Variants in CUX2 observed in about 807,000 individuals in gnomAD.
CUX2 encodes cut like homeobox 2, also known as homeobox protein cut-like 2.
CUX2 carries 40 observed loss-of-function variants against 144.8 expected under a neutral mutation model. The ratio of observed to expected loss-of-function variants is 0.28; its 90% CI spans 0.21 to 0.36. The LOEUF is 0.36. CUX2 is among the 10% of genes least tolerant of loss of function. The probability of loss-of-function intolerance (pLI) is 1.00; values close to 1 mark genes in which losing one functional copy is unlikely to be tolerated. For missense variants in CUX2, 1,615 were observed against 1,994.0 expected (o/e 0.81, Z 3.62); for synonymous variants, 827 against 875.6 (o/e 0.94, Z 0.98).
intron 1 of CUX2, among the ~76,000 whole-genome samples, chr12:111,060,675 G>T (rs1870726446): frequency 6.6e-6 from 1 of 152,218 alleles, no homozygotes; most frequent in Admixed American, 6.5e-5. Context: ...GTTCTATCTG[G>T]TTTGCGGATA....
chr12:111,116,875 A>C (rs1271581450), intron 1 of CUX2, among the ~76,000 whole-genome samples: 1 of 152,206 alleles, frequency 6.6e-6, no homozygotes, highest in East Asian at 1.9e-4. Context: ...TTTTAGTTGG[A>C]GAACATTCTG....
chr12:111,097,710 C>A (rs372406192), intron 1 of CUX2, among the ~76,000 whole-genome samples: 1 of 152,230 alleles, frequency 6.6e-6, no homozygotes, highest in Non-Finnish European at 1.5e-5. Context: ...GCAAGCGAGG[C>A]GCTCAGAGTC....
chr12:111,214,138 AAAAG>A (rs1226183563), intron 1 of CUX2, 58 bp from the exon 2 acceptor site: 2 of 1,148,720 alleles, frequency 1.7e-6, no homozygotes, highest in African/African-American at 1.6e-5. Context: ...AAAAAGGAAA[AAAAG>A]AAGAAAAATC....
At chr12:111,038,710 C>A (rs180683543) in intron 1 of CUX2, among the ~76,000 whole-genome samples, 3 of 152,260 alleles carry the variant, frequency 2.0e-5, no homozygotes, top group African/African-American at 7.2e-5. Context: ...AAAACGGGCT[C>A]TCTCTTTGAA....
intron 1 of CUX2, among the ~76,000 whole-genome samples, chr12:111,111,484 C>T (rs1430075088): frequency 6.6e-6 from 1 of 152,198 alleles, no homozygotes; most frequent in Non-Finnish European, 1.5e-5. Flanking sequence ...GGCCCACATT[C>T]AGTTGGAGTC....
intron 14 of CUX2, 62 bp from the exon 15 acceptor site, chr12:111,309,979 C>T (rs575118603): frequency 6.3e-6 from 8 of 1,261,082 alleles, no homozygotes; most frequent in African/African-American, 1.5e-5. Context: ...CTCCCTGTCT[C>T]TCTCTCCCCT....
chr12:111,100,850 A>G (rs926896713), intron 1 of CUX2, among the ~76,000 whole-genome samples: 4 of 152,142 alleles, frequency 2.6e-5, no homozygotes, highest in Non-Finnish European at 2.9e-5. Context: ...GGGCACTTCC[A>G]TCTTGCATGG....
chr12:111,146,458 C>G (rs1448225704), intron 1 of CUX2, among the ~76,000 whole-genome samples: 2 of 152,132 alleles, frequency 1.3e-5, no homozygotes, highest in African/African-American at 4.8e-5. Context: ...TATGGTTTGG[C>G]TGTGTCCCCA....
At chr12:111,182,343 A>G (rs1879240678) in intron 1 of CUX2, among the ~76,000 whole-genome samples, 1 of 152,254 alleles carries the variant, frequency 6.6e-6, no homozygotes, top group African/African-American at 2.4e-5. Flanking sequence ...AGTGGGCTCC[A>G]GGTAATTGCA....
Position 111,044,150 on chromosome 12 carries a change from C to A in CUX2, c.63+9910C>A, listed in dbSNP as rs1869886496. On this transcript the variant is annotated intron_variant, in intron 1 of 21. Coordinates refer to ENST00000261726, the MANE Select transcript of CUX2 (RefSeq NM_015267.4). ...TGCAGGTGTTGACCCTTACAAATCTCTTTGCCATATGACCCTGCCTTCAAG... is the reference window on the plus strand; with the variant it reads ...TGCAGGTGTTGACCCTTACAAATCTATTTGCCATATGACCCTGCCTTCAAG... Among the ~76,000 whole-genome samples the A allele has an allele frequency of 2.6e-5, 4 of 152,344 alleles. No homozygotes were observed. In the South Asian group the frequency reaches 8.3e-4, roughly 32 times the overall value.
chr12:111,269,321 C>T (rs777241107), intron 4 of CUX2, among the ~76,000 whole-genome samples: 48 of 152,250 alleles, frequency 3.2e-4, no homozygotes, highest in Admixed American at 6.5e-4. Flanking sequence ...GCAGCAAAAA[C>T]GGGAGGAAAG....
At chr12:111,260,957 CTTTTGTTTCTCATTGT>C (rs1490291655) in intron 3 of CUX2, among the ~76,000 whole-genome samples, 1 of 152,204 alleles carries the variant, frequency 6.6e-6, no homozygotes, top group Admixed American at 6.5e-5. Flanking sequence ...AGATGAATTG[CTTTTGTTTCTCATTGT>C]TTTCTTGGGT....
chr12:111,254,114 C>T (rs1883697328), intron 3 of CUX2, among the ~76,000 whole-genome samples: 1 of 152,144 alleles, frequency 6.6e-6, no homozygotes, highest in East Asian at 1.9e-4. Context: ...TGGATAGAAG[C>T]TAGCATTCCT....
At chr12:111,139,264 A>G (rs1467555302) in intron 1 of CUX2, among the ~76,000 whole-genome samples, 1 of 151,962 alleles carries the variant, frequency 6.6e-6, no homozygotes, top group African/African-American at 2.4e-5. Flanking sequence ...CTCTTTGGAG[A>G]AGAGAGAAAG....
At chr12:111,225,932 C>T (rs1882112480) in intron 3 of CUX2, among the ~76,000 whole-genome samples, 1 of 152,178 alleles carries the variant, frequency 6.6e-6, no homozygotes, top group African/African-American at 2.4e-5. Flanking sequence ...GCCTCCCATC[C>T]TCTCTACTGC....
intron 4 of CUX2, among the ~76,000 whole-genome samples, chr12:111,281,384 A>G (rs1028151949): frequency 1.3e-5 from 2 of 151,900 alleles, no homozygotes; most frequent in African/African-American, 4.8e-5. Context: ...CCCTAGTTCC[A>G]TGTCACTGAG....
intron 1 of CUX2, among the ~76,000 whole-genome samples, chr12:111,071,481 T>C (rs1871251768): frequency 6.6e-6 from 1 of 152,242 alleles, no homozygotes; most frequent in African/African-American, 2.4e-5. Context: ...ATTTTCTTAT[T>C]GTCAAGTTTT....
intron 4 of CUX2, among the ~76,000 whole-genome samples, chr12:111,281,319 G>A (rs376417692): frequency 5.3e-5 from 8 of 151,976 alleles, no homozygotes; most frequent in East Asian, 3.9e-4. Context: ...TTGCACAAGC[G>A]GTGCCTCCCA....
At chr12:111,159,413 G>A (rs1278901162) in intron 1 of CUX2, among the ~76,000 whole-genome samples, 1 of 151,392 alleles carries the variant, frequency 6.6e-6, no homozygotes, top group Non-Finnish European at 1.5e-5. Context: ...GCCTCCCAAA[G>A]TGCTGGAATT....
Sources: allele counts gnomAD v4.1 joint callset (sites outside exome capture counted in the v4.1 genomes callset), GRCh38; gene constraint gnomAD v4.1.1; transcripts MANE v1.5; gene names NCBI Gene and HGNC (gene_info 2026-07-23, HGNC 2026-07-21).